Variants in RGS10 observed in about 807,000 individuals in gnomAD.
RGS10 encodes regulator of G-protein signalling 10.
RGS10 carries 11 observed loss-of-function variants against 23.5 expected under a neutral mutation model. The ratio of observed to expected loss-of-function variants is 0.47; its 90% CI spans 0.29 to 0.77. RGS10 has a LOEUF of 0.77. Among genes scored for constraint, RGS10 ranks in the 30% least tolerant of loss-of-function variants. RGS10 has a pLI of 0.08. For missense variants in RGS10, 180 were observed against 226.3 expected, an observed-to-expected ratio of 0.80 and a Z score of 1.31; for synonymous variants, 77 against 83.2, an observed-to-expected ratio of 0.92 and a Z score of 0.41.
chr10:119,510,852 G>T (rs1844068801), intron 4 of RGS10, among the ~76,000 whole-genome samples: 1 of 152,000 alleles, frequency 6.6e-6, no homozygotes, highest in Admixed American at 6.6e-5. Context: ...CCGAGTAGCT[G>T]GGACTACAGG....
At chr10:119,510,401 T>C (rs1245359118) in intron 4 of RGS10, among the ~76,000 whole-genome samples, 1 of 152,144 alleles carries the variant, frequency 6.6e-6, no homozygotes, top group Non-Finnish European at 1.5e-5. Flanking sequence ...TCCCAGGTCC[T>C]CTCATCCAGA....
chr10:119,532,803 T>C (rs1844344811), intron 1 of RGS10, among the ~76,000 whole-genome samples: 1 of 151,836 alleles, frequency 6.6e-6, no homozygotes. Flanking sequence ...ATGGCACCAT[T>C]GCACTCCAGC....
chr10:119,522,718 CAAA>C (rs111696085), intron 3 of RGS10, among the ~76,000 whole-genome samples: 2 of 114,122 alleles, frequency 1.8e-5, no homozygotes, highest in Non-Finnish European at 1.9e-5. Context: ...AACTCCGTCT[CAAA>C]AAAAAAAAAA....
At chr10:119,536,524 C>T in intron 1 of RGS10, 9 of 1,605,350 alleles carry the variant, frequency 5.6e-6, no homozygotes, top group Non-Finnish European at 7.7e-6. Context: ...ACTGCCTTCC[C>T]AGAGACGCCT....
At chr10:119,508,489 T>C (rs1358359683) in intron 4 of RGS10, among the ~76,000 whole-genome samples, 1 of 152,224 alleles carries the variant, frequency 6.6e-6, no homozygotes, top group Non-Finnish European at 1.5e-5. Context: ...CTGCGCTGTA[T>C]ATAGAACTTA....
intron 4 of RGS10, among the ~76,000 whole-genome samples, chr10:119,502,985 G>A (rs553639111): frequency 6.6e-6 from 1 of 152,286 alleles, no homozygotes; most frequent in East Asian, 1.9e-4. Flanking sequence ...GCAGACTTCT[G>A]ACTGCCACCG....
chr10:119,514,651 C>T (rs2420628), intron 4 of RGS10, among the ~76,000 whole-genome samples: 85,063 of 138,492 alleles, frequency 0.61, 26,043 homozygotes, highest in Non-Finnish European at 0.69. Context: ...GAGTAAGACT[C>T]GGTATTAAAA....
chr10:119,527,779 A>G lies in RGS10; in HGVS notation c.50-355T>C, dbSNP rs1844292339. On this transcript the variant is annotated intron_variant, in intron 1 of 4. Coordinates refer to ENST00000369103, the MANE Select transcript of RGS10 (RefSeq NM_001005339.2). This position sits in a 1 kb window ranked among gnomAD's most constrained non-coding sequence, Gnocchi z 4.2. ...CCAAGAGAACCTTGATTCAACAGCA[A>G]CTGCTTCCCCATGGCGCTTTGTGCA... Among the ~76,000 whole-genome samples the G allele has an allele frequency of 2.0e-5, 3 of 152,150 alleles. No homozygotes were observed. In the South Asian group the frequency reaches 6.2e-4, roughly 32 times the overall value.
rs201021693 is a variant in RGS10, at chr10:119,526,036, G to A, written c.251C>T (p.Thr84Met). 97 of 1,548,244 alleles carry A rather than the reference G, an allele frequency of 6.3e-5. No individual in the cohort carries two copies. The highest frequency in any genetic ancestry group is 4.3e-4 in the African/African-American group (31 of 72,768). ...CEDFKKMQDK[T>M]QMQEKAKEIY... ...TTATCAGAGTGGAGGAAATACCTGC[G>A]TCTTATCTTGCATTTTCTTAAAATC... is the stretch of plus-strand genomic sequence containing the variant. Residue 84 changes from threonine to methionine, a missense_variant, in exon 3 of 5, where the codon ACG (threonine) becomes ATG (methionine). Transcript: ENST00000369103.
At chr10:119,518,211 C>T (rs1844168491) in intron 3 of RGS10, among the ~76,000 whole-genome samples, 4 of 152,258 alleles carry the variant, frequency 2.6e-5, no homozygotes, top group Admixed American at 2.6e-4. Flanking sequence ...GACTTCTCTT[C>T]CACGGCCCTG....
intron 3 of RGS10, among the ~76,000 whole-genome samples, chr10:119,522,888 T>A (rs1057081861): frequency 1.3e-5 from 2 of 151,828 alleles, no homozygotes; most frequent in African/African-American, 4.8e-5. Context: ...ATTCTTTTTT[T>A]TTTTGTTGAG....
At chr10:119,512,292 A>G (rs555172708) in intron 4 of RGS10, among the ~76,000 whole-genome samples, 1 of 152,212 alleles carries the variant, frequency 6.6e-6, no homozygotes, top group East Asian at 1.9e-4. Flanking sequence ...TGTTCCCCTC[A>G]GCTTCAATCT....
At chr10:119,528,223 G>A (rs1360940168) in intron 1 of RGS10, among the ~76,000 whole-genome samples, 1 of 152,016 alleles carries the variant, frequency 6.6e-6, no homozygotes, top group Non-Finnish European at 1.5e-5. Context: ...TAGAGACGGG[G>A]TTTTACCATG....
intron 3 of RGS10, among the ~76,000 whole-genome samples, chr10:119,522,838 A>G (rs1440866519): frequency 6.6e-6 from 1 of 150,932 alleles, no homozygotes; most frequent in African/African-American, 2.4e-5. Flanking sequence ...AGGCAGCGGG[A>G]CTCACTAGGG....
intron 4 of RGS10, among the ~76,000 whole-genome samples, chr10:119,509,235 G>C (rs1265490583): frequency 6.6e-6 from 1 of 152,076 alleles, no homozygotes; most frequent in Non-Finnish European, 1.5e-5. Context: ...TCACAAATGA[G>C]AAAAGCTAGG....
chr10:119,506,220 C>T (rs1030365628), intron 4 of RGS10, among the ~76,000 whole-genome samples: 3 of 152,228 alleles, frequency 2.0e-5, no homozygotes, highest in Non-Finnish European at 4.4e-5. Flanking sequence ...GTGAAGACCA[C>T]CTCCCTCTCA....
At chr10:119,516,026 T>C (rs74558790) in intron 3 of RGS10, among the ~76,000 whole-genome samples, 5,782 of 152,234 alleles carry the variant, frequency 0.038, 228 homozygotes, top group East Asian at 0.14. Flanking sequence ...CCGAGGCAGA[T>C]TGATCACCTG....
chr10:119,517,683 CGCACACACGT>C lies in RGS10; in HGVS notation c.256-2041_256-2032del, dbSNP rs1298730258. ...CTTGACATTCACACGCACACACACA[CGCACACACGT>C]GCACACACGCACACACATACACACA... On this transcript the variant is annotated intron_variant, in intron 3 of 4. Transcript: ENST00000369103. This position sits in a 1 kb window ranked among gnomAD's most constrained non-coding sequence, Gnocchi z 5.0. Among the ~76,000 whole-genome samples the C allele has an allele frequency of 8.5e-5, 13 of 152,300 alleles. No individual in the cohort carries two copies. The highest frequency in any genetic ancestry group is 6.2e-4 in the South Asian group (3 of 4,826).
chr10:119,515,450 C>A (rs1053757962), intron 4 of RGS10, 59 bp downstream of exon 4: 7 of 1,603,690 alleles, frequency 4.4e-6, no homozygotes, highest in Admixed American at 1.7e-5. Flanking sequence ...GTAAATTCTT[C>A]CAGGCCTGGA....
Sources: allele counts gnomAD v4.1 joint callset (sites outside exome capture counted in the v4.1 genomes callset), GRCh38; gene constraint gnomAD v4.1.1; non-coding constraint Gnocchi (gnomAD v3.1); transcripts MANE v1.5; gene names NCBI Gene and HGNC (gene_info 2026-07-23, HGNC 2026-07-21).